The following STK10 variants were observed in gnomAD, a reference collection of about 807,000 sequenced individuals.
STK10 encodes serine/threonine kinase 10.
Under a neutral mutation model 113.8 loss-of-function variants are expected in STK10, and 78 were observed. The observed-to-expected ratio is 0.69, with a 90% CI of 0.57 to 0.83. STK10 has a LOEUF of 0.83. Ranked by LOEUF, STK10 falls within the 40% of genes least tolerant of loss-of-function variation. STK10 has a pLI of 0.00. For synonymous variants in STK10, 465 were observed against 494.7 expected, an observed-to-expected ratio of 0.94 and a Z score of 0.80; for missense variants, 1,109 against 1,280.1, an observed-to-expected ratio of 0.87 and a Z score of 2.04.
chr5:172,109,439 A>G (rs1769185759), intron 4 of STK10, among the ~76,000 whole-genome samples: 1 of 151,762 alleles, frequency 6.6e-6, no homozygotes, highest in Non-Finnish European at 1.5e-5. Context: ...CCTCCCGAGT[A>G]GCTGAGACTA....
intron 12 of STK10, among the ~76,000 whole-genome samples, 198 bp from the exon 13 acceptor site, chr5:172,065,010 T>A (rs1768038641): frequency 6.6e-6 from 1 of 152,148 alleles, no homozygotes; most frequent in Non-Finnish European, 1.5e-5. Flanking sequence ...CTGCCGCTGG[T>A]TTCAGCTTCC....
Position 172,105,302 on chromosome 5 carries a change from C to T in STK10, c.870+354G>A, listed in dbSNP as rs568521141. 3.3e-5 allele frequency among the ~76,000 whole-genome samples: 5 copies of T among 152,202 alleles called. No individual in the cohort carries two copies. In the South Asian group the frequency reaches 1.0e-3, roughly 32 times the overall value. On this transcript the variant is annotated intron_variant, in intron 7 of 18. Transcript: ENST00000176763. ...ACATCTGCTCACCCAGAGAACCCTT[C>T]CTTATCCTCCCTTACAAGACAACAG... is the stretch of plus-strand genomic sequence containing the variant.
chr5:172,054,365 T>C (rs1056759622), intron 17 of STK10, among the ~76,000 whole-genome samples: 3 of 152,090 alleles, frequency 2.0e-5, no homozygotes, highest in African/African-American at 7.2e-5. Flanking sequence ...TTTAGGGGTG[T>C]GAGAGCTATG....
At position 172,174,363 on chromosome 5, in the gene STK10, C is replaced by T. The variant is rs181624376; in HGVS notation, c.156+13524G>A. Among the ~76,000 whole-genome samples, 455 of 152,046 alleles carry T rather than the reference C, an allele frequency of 3.0e-3. 5 individuals carry two copies. Among genetic ancestry groups the T allele is most frequent in the African/African-American group, 9.3e-3 (386 of 41,472 alleles). On this transcript the variant is annotated intron_variant, in intron 1 of 18. Transcript: ENST00000176763. Reference sequence around the variant, plus strand: ...ATTTTTGTATTTTTAATAGAGATGGCGTTTCACCATATTGGCCAGGCTGGT... The same window carrying T: ...ATTTTTGTATTTTTAATAGAGATGGTGTTTCACCATATTGGCCAGGCTGGT...
intron 12 of STK10, among the ~76,000 whole-genome samples, chr5:172,074,159 A>T (rs55789105): frequency 0.21 from 31,750 of 151,914 alleles, 4,308 homozygotes; most frequent in African/African-American, 0.38. Flanking sequence ...CCAATCAAAA[A>T]CTCAGCAGGT....
chr5:172,156,666 A>C lies in STK10; in HGVS notation c.279T>G (p.Ile93Met). Reference protein sequence around the residue: ...EILATCDHPYIVKLLGAYYHD... With the variant: ...EILATCDHPYMVKLLGAYYHD... ...GATAGTAGGCTCCCAGGAGCTTCAC[A>C]ATGTAGGGGTGGTCGCAGGTGGCCA... Residue 93 changes from isoleucine to methionine, a missense_variant, in exon 2 of 19, where the codon ATT becomes ATG. Around this residue, in one of 5 missense-constraint regions of STK10, gnomAD observed 120 missense variants for 134.8 expected, o/e 0.89. Coordinates refer to ENST00000176763, the MANE Select transcript of STK10 (RefSeq NM_005990.4). 21 of 1,613,948 alleles carry C rather than the reference A, an allele frequency of 1.3e-5. No individual in the cohort carries two copies. Among genetic ancestry groups the C allele is most frequent in the Non-Finnish European group, 1.7e-5 (20 of 1,179,902 alleles).
intron 2 of STK10, among the ~76,000 whole-genome samples, chr5:172,154,603 G>A (rs1350956122): frequency 1.3e-5 from 2 of 152,226 alleles, no homozygotes; most frequent in Admixed American, 6.5e-5. Context: ...TACAATAGAG[G>A]AGGGAAAGAA....
In STK10 at chr5:172,090,379, AT is replaced by A; in HGVS notation, c.1555-18del. On this transcript the variant is annotated intron_variant, in intron 9 of 18. Coordinates refer to ENST00000176763, the MANE Select transcript of STK10 (RefSeq NM_005990.4). ...TTTCGGGTCCTGGCCAGGGAAAACC[AT>A]TAGACAAGTCTCAGCATTTCAGCTA... 6.2e-7 allele frequency: 1 copy of A among 1,612,334 alleles called. No individual in the cohort carries two copies. The highest frequency in any genetic ancestry group is 8.5e-7 in the Non-Finnish European group (1 of 1,178,994).
chr5:172,185,911 C>G (rs576400753), intron 1 of STK10, among the ~76,000 whole-genome samples: 2 of 152,320 alleles, frequency 1.3e-5, no homozygotes, highest in East Asian at 1.9e-4. Flanking sequence ...CACTGCCTCT[C>G]GGATCACAAG....
chr5:172,167,122 T>G (rs1016861835), intron 1 of STK10, among the ~76,000 whole-genome samples: 1 of 147,638 alleles, frequency 6.8e-6, no homozygotes, highest in Non-Finnish European at 1.5e-5. Context: ...ATCGTGCCAC[T>G]GCACTCCAGC....
chr5:172,048,260 G>C (rs1767538225), intron 18 of STK10, among the ~76,000 whole-genome samples: 1 of 152,132 alleles, frequency 6.6e-6, no homozygotes, highest in Non-Finnish European at 1.5e-5. Context: ...GGCCTTCAGA[G>C]AAAACAAGAG....
chr5:172,055,829 C>T (rs547657063), intron 15 of STK10, 53 bp from the exon 16 acceptor site: 20 of 1,373,200 alleles, frequency 1.5e-5, no homozygotes, highest in South Asian at 1.2e-4. Context: ...GGACTCAGAG[C>T]GTGGTCACAG....
In STK10 at chr5:172,105,121, G is replaced by A. The variant is rs116565568; in HGVS notation, c.870+535C>T. ...GGGACAGACGCCCCAGTGCCTCTCC[G>A]CTCTCGTCTCCCCTCCCCTGGCCCC... On this transcript the variant is annotated intron_variant, in intron 7 of 18. Transcript: ENST00000176763. Among the ~76,000 whole-genome samples, 1,401 of 151,932 alleles carry A rather than the reference G, an allele frequency of 9.2e-3. 17 individuals carry two copies. The highest frequency in any genetic ancestry group is 0.031 in the African/African-American group (1,290 of 41,368).
chr5:172,164,095 C>T (rs141890794), intron 1 of STK10, among the ~76,000 whole-genome samples: 3,978 of 151,762 alleles, frequency 0.026, 193 homozygotes, highest in African/African-American at 0.091. Flanking sequence ...GCCTGTAATC[C>T]CAGCTACTCG....
intron 2 of STK10, among the ~76,000 whole-genome samples, chr5:172,141,781 G>T (rs772702536): frequency 2.0e-5 from 3 of 152,066 alleles, no homozygotes; most frequent in Non-Finnish European, 4.4e-5. Flanking sequence ...TCTGATGGGG[G>T]ATGTCACAGC....
intron 7 of STK10, among the ~76,000 whole-genome samples, chr5:172,101,401 G>A (rs1190807055): frequency 6.6e-6 from 1 of 151,722 alleles, no homozygotes; most frequent in Non-Finnish European, 1.5e-5. Context: ...AACCCAGGGG[G>A]TGGAGGCTGC....
intron 2 of STK10, among the ~76,000 whole-genome samples, chr5:172,145,942 G>A (rs554541981): frequency 2.6e-5 from 4 of 152,190 alleles, no homozygotes; most frequent in East Asian, 3.8e-4. Context: ...CGCCTGCCCC[G>A]TGCAAGGCTG....
intron 4 of STK10, among the ~76,000 whole-genome samples, chr5:172,108,505 A>G (rs1161318033): frequency 1.3e-5 from 2 of 151,642 alleles, no homozygotes; most frequent in Admixed American, 6.6e-5. Flanking sequence ...AATCCCAGAT[A>G]CTTGGGGGGC....
At chr5:172,166,246 C>T (rs1770569487) in intron 1 of STK10, among the ~76,000 whole-genome samples, 1 of 152,194 alleles carries the variant, frequency 6.6e-6, no homozygotes. Flanking sequence ...ATGGCAGAAG[C>T]AGGGCTCACA....
Sources: gnomAD v4.1 joint callset for allele counts (sites outside exome capture counted in the v4.1 genomes callset) on GRCh38, gnomAD v4.1.1 for gene constraint, gnomAD v4.1.1 regional missense constraint, MANE v1.5 for transcripts, NCBI Gene and HGNC (gene_info 2026-07-23, HGNC 2026-07-21) for gene names.